Variants in LINGO2 observed in about 807,000 individuals in gnomAD.
LINGO2 encodes leucine rich repeat and Ig domain containing 2.
LINGO2 carries 14 observed loss-of-function variants against 30.6 expected under a neutral mutation model. The ratio of observed to expected loss-of-function variants is 0.46; its 90% CI spans 0.30 to 0.72. The LOEUF is 0.72. Among genes scored for constraint, LINGO2 ranks in the 30% least tolerant of loss-of-function variants. The pLI is 0.07. For synonymous variants in LINGO2, 317 were observed against 288.5 expected (o/e 1.10, Z -1.00); for missense variants, 729 against 751.7 (o/e 0.97, Z 0.35).
chr9:28,338,983 A>G (rs1825678875), intron 3 of LINGO2, among the ~76,000 whole-genome samples: 1 of 152,098 alleles, frequency 6.6e-6, no homozygotes, highest in Admixed American at 6.6e-5. Context: ...ATGGGAGTAA[A>G]CTCATTCTCC....
chr9:28,227,576 T>C (rs1250727314), intron 4 of LINGO2, among the ~76,000 whole-genome samples: 1 of 151,986 alleles, frequency 6.6e-6, no homozygotes, highest in Non-Finnish European at 1.5e-5. Context: ...TTTTTTCCTA[T>C]GTTAAACACT....
intron 4 of LINGO2, among the ~76,000 whole-genome samples, chr9:28,085,224 AT>A (rs1428038185): frequency 1.3e-5 from 2 of 152,062 alleles, no homozygotes; most frequent in Non-Finnish European, 2.9e-5. Flanking sequence ...CCAAACTTAA[AT>A]TTGATTGCAT....
chr9:28,491,717 G>A (rs1466079951), intron 1 of LINGO2, among the ~76,000 whole-genome samples: 1 of 152,088 alleles, frequency 6.6e-6, no homozygotes, highest in East Asian at 1.9e-4. Flanking sequence ...TTTTGAAGAA[G>A]GATTTATTTA....
intron 1 of LINGO2, among the ~76,000 whole-genome samples, chr9:28,569,117 T>C (rs943260453): frequency 2.0e-5 from 3 of 151,984 alleles, no homozygotes; most frequent in Non-Finnish European, 4.4e-5. Flanking sequence ...ATGGCTATTA[T>C]CAGAAAGATG....
At position 28,337,470 on chromosome 9, in the gene LINGO2, G is replaced by A. The variant is rs140159939; in HGVS notation, c.-246+35366C>T. Among the ~76,000 whole-genome samples the A allele has an allele frequency of 5.5e-3, 839 of 152,266 alleles. 10 individuals carry two copies. The highest frequency in any genetic ancestry group is 0.018 in the African/African-American group (766 of 41,562). ...AAATTCAAGCCAGCTGCAGAAATTT[G>A]TATAAGTAACACGGAGCCAAATTTT... On this transcript the variant is annotated intron_variant, in intron 3 of 5. Transcript: ENST00000379992.
intron 3 of LINGO2, among the ~76,000 whole-genome samples, chr9:28,300,510 T>G (rs1482703953): frequency 6.6e-6 from 1 of 152,178 alleles, no homozygotes; most frequent in Non-Finnish European, 1.5e-5. Context: ...ATTCTTGTTT[T>G]CATTTTCTCA....
At chr9:28,505,952 G>A (rs1012814528) in intron 1 of LINGO2, among the ~76,000 whole-genome samples, 1 of 151,748 alleles carries the variant, frequency 6.6e-6, no homozygotes, top group Non-Finnish European at 1.5e-5. Flanking sequence ...TTATGCAAGG[G>A]TATTTCTGTT....
chr9:28,251,377 A>G (rs1014218108), intron 4 of LINGO2, among the ~76,000 whole-genome samples: 5 of 152,160 alleles, frequency 3.3e-5, no homozygotes, highest in African/African-American at 1.2e-4. Context: ...TAAAGATATG[A>G]GAAGTCTATT....
chr9:28,926,426 G>C, the LINGO2 span, among the ~76,000 whole-genome samples: 645 of 152,276 alleles, frequency 4.2e-3, 5 homozygotes, highest in African/African-American at 0.014. Context: ...ATGGGCTTTA[G>C]AACAATGCCT....
the LINGO2 span, among the ~76,000 whole-genome samples, chr9:28,982,542 A>G: frequency 6.6e-6 from 1 of 152,000 alleles, no homozygotes; most frequent in African/African-American, 2.4e-5. Context: ...GAGGATTTCT[A>G]TATTTTCAAA....
chr9:28,631,233 AT>A (rs900943532), intron 1 of LINGO2, among the ~76,000 whole-genome samples: 11 of 151,892 alleles, frequency 7.2e-5, no homozygotes, highest in Admixed American at 3.3e-4. Context: ...ATATGTATAC[AT>A]GTGCCATGTT....
At chr9:28,795,414 T>G in the LINGO2 span, among the ~76,000 whole-genome samples, 1 of 152,132 alleles carries the variant, frequency 6.6e-6, no homozygotes, top group Admixed American at 6.6e-5. Flanking sequence ...CAGCGTTAGA[T>G]TCTAGTTATA....
At chr9:28,373,167 C>T (rs941040884) in intron 2 of LINGO2, among the ~76,000 whole-genome samples, 2 of 151,986 alleles carry the variant, frequency 1.3e-5, no homozygotes, top group South Asian at 2.1e-4. Context: ...GTTTAATAAA[C>T]ATGATTAAAT....
At chr9:28,830,835 G>A in the LINGO2 span, among the ~76,000 whole-genome samples, 1 of 147,526 alleles carries the variant, frequency 6.8e-6, no homozygotes, top group Non-Finnish European at 1.5e-5. Flanking sequence ...GCACACACAC[G>A]TGTGCATGGT....
In LINGO2 at chr9:28,335,184, C is replaced by G. The variant is rs112342340; in HGVS notation, c.-246+37652G>C. On this transcript the variant is annotated intron_variant, in intron 3 of 5. Transcript: ENST00000379992. ...CAATGCTGAGGCTTAGGAGGGAGAG[C>G]TGGTGTCACATTCTCAATACATGTC... Among the ~76,000 whole-genome samples, 1,168 of 152,280 alleles carry G rather than the reference C, an allele frequency of 7.7e-3. 10 individuals carry two copies. Among genetic ancestry groups the G allele is most frequent in the South Asian group, 0.032 (156 of 4,826 alleles).
chr9:28,468,231 C>T (rs1038964907), intron 2 of LINGO2, among the ~76,000 whole-genome samples: 2 of 152,124 alleles, frequency 1.3e-5, no homozygotes, highest in African/African-American at 4.8e-5. Context: ...ATTCTTTATC[C>T]TATGTTGTGC....
intron 1 of LINGO2, among the ~76,000 whole-genome samples, chr9:28,550,601 T>G (rs1822224960): frequency 6.6e-6 from 1 of 151,866 alleles, no homozygotes; most frequent in South Asian, 2.1e-4. Context: ...CAACAGACAC[T>G]CTATGGTAAT....
At chr9:27,955,864 C>A (rs1819536339) in intron 5 of LINGO2, among the ~76,000 whole-genome samples, 1 of 151,500 alleles carries the variant, frequency 6.6e-6, no homozygotes, top group Non-Finnish European at 1.5e-5. Flanking sequence ...AGAGATTATG[C>A]CATTCAGCAT....
chr9:28,148,771 C>T lies in LINGO2; in HGVS notation c.-86-136366G>A. On this transcript the variant is annotated intron_variant, in intron 4 of 5. Coordinates refer to ENST00000379992, the Ensembl canonical transcript of LINGO2. The surrounding 1 kb of genome is among the most constrained non-coding windows in gnomAD (Gnocchi z 5.1). ...AGCCTGACCCACTTCCAACAGTGCT[C>T]CCTGCCCCAGTTCCAGGCTGCTCCC... is the stretch of plus-strand genomic sequence containing the variant. 9.8e-6 allele frequency: 15 copies of T among 1,534,072 alleles called. No individual in the cohort carries two copies. Among genetic ancestry groups the T allele is most frequent in the Admixed American group, 2.0e-5 (1 of 50,996 alleles).
Sources: allele counts gnomAD v4.1 joint callset (sites outside exome capture counted in the v4.1 genomes callset), GRCh38; gene constraint gnomAD v4.1.1; non-coding constraint Gnocchi (gnomAD v3.1); transcripts MANE v1.5; gene names NCBI Gene and HGNC (gene_info 2026-07-23, HGNC 2026-07-21).